Variants in ZNF816 observed in about 807,000 individuals in gnomAD.
ZNF816 encodes the protein zinc finger protein 816A.
Under a neutral mutation model 8.3 loss-of-function variants are expected in ZNF816, and 11 were observed. The observed-to-expected ratio is 1.32, with a 90% confidence interval of 0.83 to 2.19. ZNF816 has a LOEUF of 2.19. ZNF816 is among the 30% of genes most tolerant of loss of function. The probability of loss-of-function intolerance (pLI) is 0.00; values close to 1 mark genes in which losing one functional copy is unlikely to be tolerated. For synonymous variants in ZNF816, 255 were observed against 254.5 expected, an observed-to-expected ratio of 1.00 and a Z score of -0.02; for missense variants, 710 against 779.3, an observed-to-expected ratio of 0.91 and a Z score of 1.06.
rs146234264 is a variant in ZNF816 at position 52,959,790 on chromosome 19, T to C, written c.-16+2937A>G. ...TAGAAACCCCACAATGTGGCAGTCATGCACTGCAGAGGACACCAGCGAGCT... is the reference window on the plus strand; with the variant it reads ...TAGAAACCCCACAATGTGGCAGTCACGCACTGCAGAGGACACCAGCGAGCT... On this transcript the variant is annotated intron_variant, in intron 1 of 3. Transcript: ENST00000444460. Among the ~76,000 whole-genome samples, 258 of 152,268 alleles carry C rather than the reference T, an allele frequency of 1.7e-3. 3 individuals are homozygous for C. The highest frequency in any genetic ancestry group is 0.014 in the East Asian group (75 of 5,174).
Position 52,949,640 on chromosome 19 carries a change from T to C in ZNF816, c.*179A>G. On this transcript the variant is annotated 3_prime_UTR_variant, in exon 4 of 4. Transcript: ENST00000444460. ...ATAGGATGAAGCTTGACTGAAGACCTTGTCACAGTCATGATATTTGTAAGG... is the reference window on the plus strand; with the variant it reads ...ATAGGATGAAGCTTGACTGAAGACCCTGTCACAGTCATGATATTTGTAAGG... 2 of 1,002,338 alleles carry C rather than the reference T, an allele frequency of 2.0e-6. No individual in the cohort carries two copies. The allele number at this position is 1,002,338 out of a possible 1,614,324, so 62.1% of individuals were successfully genotyped here. A position where few individuals can be genotyped will look rare whatever the true frequency, so the allele number is the denominator to read the frequency against.
At position 52,952,761 on chromosome 19, in the gene ZNF816, C is replaced by T. The variant is rs771711459; in HGVS notation, c.180G>A (p.Leu60=). 3 of 1,613,906 alleles carry T rather than the reference C, an allele frequency of 1.9e-6. No individual in the cohort carries two copies. In the South Asian group the frequency reaches 3.3e-5, roughly 18 times the overall value. ...RAVMLENYRN[L]EFVDSSLKSM... ...GGACATTTTCCTCACCCACAAACTC[C>T]AGGTTCCTGTAGTTCTCCAACATCA... The change falls in exon 3 of 4, where the codon CTG becomes CTA. Residue 60 remains leucine (L), a synonymous_variant. Coordinates refer to ENST00000444460, the MANE Select transcript of ZNF816 (RefSeq NM_001202457.3).
chr19:52,952,788 A>T lies in ZNF816; in HGVS notation c.153T>A (p.Ala51=). Residue 51 remains alanine (A), a synonymous_variant, in exon 3 of 4, where the codon GCT becomes GCA. Transcript: ENST00000444460. ...GGTTCCTGTAGTTCTCCAACATCAC[A>T]GCCCTGTATAAAGCCCTCTGTGCAG... The part of the protein sequence containing the change: ...LNPAQRALYR[A]VMLENYRNLE... 1 of 1,614,016 alleles carries T rather than the reference A, an allele frequency of 6.2e-7. No individual in the cohort carries two copies. The highest frequency in any genetic ancestry group is 8.5e-7 in the Non-Finnish European group (1 of 1,180,016).
chr19:52,952,397 A>T (rs918420253), intron 3 of ZNF816: 2 of 400,430 alleles, frequency 5.0e-6, no homozygotes, highest in Admixed American at 4.1e-5. Context: ...AGAAAACAAA[A>T]CCACAAGCAC....
rs1439182856 is a variant in ZNF816 at position 52,950,959 on chromosome 19, A to G, written c.816T>C (p.Ile272=). The G allele has an allele frequency of 1.2e-6, 2 of 1,614,196 alleles. No individual in the cohort carries two copies. Among genetic ancestry groups the G allele is most frequent in the Admixed American group, 3.3e-5 (2 of 60,032 alleles). ...CGKIFNQKQY[I]VYHHRCHTGE... ...CAGTGTGACATCTATGATGATATACAATGTATTGCTTCTGATTAAAGATCT... is the reference window on the plus strand; with the variant it reads ...CAGTGTGACATCTATGATGATATACGATGTATTGCTTCTGATTAAAGATCT... The change falls in exon 4 of 4, where the codon ATT becomes ATC. Residue 272 remains isoleucine, a synonymous_variant. Transcript: ENST00000444460.
chr19:52,961,434 T>C (rs2083555959), intron 1 of ZNF816, among the ~76,000 whole-genome samples: 1 of 152,220 alleles, frequency 6.6e-6, no homozygotes, highest in Admixed American at 6.5e-5. Context: ...CTGTGAAAAT[T>C]TGCCTGTTGC....
rs769851701 is a variant in ZNF816, at chr19:52,950,517, T to A, written c.1258A>T (p.Thr420Ser). 6.2e-7 allele frequency: 1 copy of A among 1,613,274 alleles called. No individual in the cohort carries two copies. Among genetic ancestry groups the A allele is most frequent in the South Asian group, 1.1e-5 (1 of 91,024 alleles). ...SHLERHRKIH[T>S]GEGSYKCKVC... is the part of the protein sequence containing the mutation. ...TTACATTTGTATGATCCCTCTCCAG[T>A]ATGAATCTTCCTATGTCTTTCAAGG... The change falls in exon 4 of 4, where the codon ACT becomes TCT. Residue 420 changes from threonine (T) to serine (S), a missense_variant. Transcript: ENST00000444460.
intron 2 of ZNF816, among the ~76,000 whole-genome samples, chr19:52,953,685 G>T (rs1447330650): frequency 3.0e-5 from 4 of 135,560 alleles, no homozygotes; most frequent in African/African-American, 8.3e-5. Context: ...ATATAATATT[G>T]TATAATAAAT....
In ZNF816 at chr19:52,957,139, G is replaced by A. The variant is rs1269024421; in HGVS notation, c.-15-1035C>T. 2.0e-5 allele frequency among the ~76,000 whole-genome samples: 3 copies of A among 152,148 alleles called. No individual in the cohort carries two copies. Among genetic ancestry groups the A allele is most frequent in the Non-Finnish European group, 4.4e-5 (3 of 68,034 alleles). On this transcript the variant is annotated intron_variant, in intron 1 of 3. Coordinates refer to ENST00000444460, the MANE Select transcript of ZNF816 (RefSeq NM_001202457.3). This position sits in a 1 kb window ranked among gnomAD's most constrained non-coding sequence, Gnocchi z 4.6. Reference sequence around the variant, plus strand: ...CACGAGTCCTCTGATGCGCTGGGCCGAATAAAGCCACTTCCTTCTTTAATC... The same window carrying A: ...CACGAGTCCTCTGATGCGCTGGGCCAAATAAAGCCACTTCCTTCTTTAATC...
In ZNF816 at chr19:52,952,370, A is replaced by AAAAC. The variant is rs765438371; in HGVS notation, c.190+377_190+380dup. 58 of 369,270 alleles carry AAAAC rather than the reference A, an allele frequency of 1.6e-4. No homozygotes were observed. The South Asian group carries it at 4.1e-3, about 26-fold the overall frequency. The allele number at this position is 369,270 out of a possible 1,614,324, so 22.9% of individuals were successfully genotyped here. The stretch of plus-strand genomic sequence containing the variant: ...GTTCAACAGAGGGAGACTCTGTCTG[A>AAAAC]AAACAAACAAACAAAAAGAAAACAA... On this transcript the variant is annotated intron_variant, in intron 3 of 3. Transcript: ENST00000444460.
In ZNF816 at chr19:52,952,852, G is replaced by A; in HGVS notation, c.89C>T (p.Ala30Val). 6.2e-7 allele frequency: 1 copy of A among 1,605,186 alleles called. No individual in the cohort carries two copies. The highest frequency in any genetic ancestry group is 8.5e-7 in the Non-Finnish European group (1 of 1,177,570). ...CCACTCCTCCAAAGAGAACTCTATAGCCACATCCCTGAAAGTCAAGCGTCC... is the reference window on the plus strand; with the variant it reads ...CCACTCCTCCAAAGAGAACTCTATAACCACATCCCTGAAAGTCAAGCGTCC... ...PQGRLTFRDV[A>V]IEFSLEEWKC... The change falls in exon 3 of 4, where the codon GCT becomes GTT. Residue 30 changes from alanine (A) to valine (V), a missense_variant. By Grantham distance (64) the Ala-to-Val change is moderately conservative (BLOSUM62 0). Transcript: ENST00000444460.
At position 52,950,647 on chromosome 19, in the gene ZNF816, C is replaced by G; in HGVS notation, c.1128G>C (p.Lys376Asn). Reference protein sequence around the residue: ...EKPYKCNECGKTFSQKSSLQC... With the variant: ...EKPYKCNECGNTFSQKSSLQC... ...GAAGGGATGATTTCTGACTGAAGGT[C>G]TTGCCACACTCATTACACTTGTAAG... Residue 376 changes from lysine (K) to asparagine (N), a missense_variant, in exon 4 of 4, where the codon AAG (lysine) becomes AAC (asparagine). Lys to Asn is a moderately conservative substitution (Grantham distance 94, BLOSUM62 0). Transcript: ENST00000444460. 1 of 1,614,094 alleles carries G rather than the reference C, an allele frequency of 6.2e-7. No homozygotes were observed. The highest frequency in any genetic ancestry group is 8.5e-7 in the Non-Finnish European group (1 of 1,180,008).
chr19:52,951,775 G>A (rs2083462691), intron 3 of ZNF816, 191 bp from the exon 4 acceptor site: 2 of 568,432 alleles, frequency 3.5e-6, no homozygotes, highest in Middle Eastern at 9.8e-4. Flanking sequence ...GTGGGTGCCT[G>A]TAATCCCAGC....
Position 52,950,506 on chromosome 19 carries a change from T to C in ZNF816, c.1269A>G (p.Gly423=), listed in dbSNP as rs373861117. 8.1e-6 allele frequency: 13 copies of C among 1,613,578 alleles called. No individual in the cohort carries two copies. In the South Asian group the frequency reaches 1.4e-4, roughly 18 times the overall value. The change falls in exon 4 of 4, where the codon GGA becomes GGG. Residue 423 remains glycine, a synonymous_variant. Transcript: ENST00000444460. ...TGTCACAAACCTTACATTTGTATGATCCCTCTCCAGTATGAATCTTCCTAT... is the reference window on the plus strand; with the variant it reads ...TGTCACAAACCTTACATTTGTATGACCCCTCTCCAGTATGAATCTTCCTAT... ...ERHRKIHTGE[G]SYKCKVCDKV...
rs1000116311 is a variant in ZNF816, at chr19:52,962,827, A to C, written c.-116T>G. The C allele has an allele frequency of 6.5e-6, 1 of 152,848 alleles. No homozygotes were observed. The highest frequency in any genetic ancestry group is 2.4e-5 in the African/African-American group (1 of 41,474). The allele number at this position is 152,848 out of a possible 1,614,324, so 9.5% of individuals were successfully genotyped here. A position where few individuals can be genotyped will look rare whatever the true frequency, so the allele number is the denominator to read the frequency against. On this transcript the variant is annotated 5_prime_UTR_variant, in exon 1 of 4. Coordinates refer to ENST00000444460, the MANE Select transcript of ZNF816 (RefSeq NM_001202457.3). ...TATATAGCAGCACCAGACAACTAGGAAACGCACACGCCGCCGTGCAACTTT... is the reference window on the plus strand; with the variant it reads ...TATATAGCAGCACCAGACAACTAGGCAACGCACACGCCGCCGTGCAACTTT...
intron 1 of ZNF816, among the ~76,000 whole-genome samples, chr19:52,961,154 C>A (rs1247884941): frequency 6.6e-6 from 1 of 152,144 alleles, no homozygotes; most frequent in Non-Finnish European, 1.5e-5. Flanking sequence ...AGGTACGTAG[C>A]CCAGGAAATG....
rs1437931279 is a variant in ZNF816 at position 52,949,550 on chromosome 19, G to C, written c.*269C>G. 3 of 675,748 alleles carry C rather than the reference G, an allele frequency of 4.4e-6. No homozygotes were observed. The East Asian group carries it at 8.9e-5, about 20-fold the overall frequency. The allele number at this position is 675,748 out of a possible 1,614,324, so 41.9% of individuals were successfully genotyped here. On this transcript the variant is annotated 3_prime_UTR_variant, in exon 4 of 4. Transcript: ENST00000444460. Reference sequence around the variant, plus strand: ...ATGTCTAATGAGGTGTGAACATGAAGTAAAGGCTTTGCCACAATCATCACA... The same window carrying C: ...ATGTCTAATGAGGTGTGAACATGAACTAAAGGCTTTGCCACAATCATCACA...
chr19:52,961,857 G>A (rs573729034), intron 1 of ZNF816, among the ~76,000 whole-genome samples: 5 of 152,204 alleles, frequency 3.3e-5, no homozygotes, highest in Non-Finnish European at 5.9e-5. Flanking sequence ...CAGGAAGCCC[G>A]AGAGTTGGTG....
intron 1 of ZNF816, among the ~76,000 whole-genome samples, chr19:52,962,295 A>C (rs952773109): frequency 5.3e-5 from 8 of 152,124 alleles, no homozygotes; most frequent in Admixed American, 5.2e-4. Context: ...TGGCTCTGGG[A>C]ATCTAAGGCC....
Sources: gnomAD v4.1 joint callset for allele counts (sites outside exome capture counted in the v4.1 genomes callset) on GRCh38, gnomAD v4.1.1 for gene constraint, Gnocchi (gnomAD v3.1) non-coding constraint, MANE v1.5 for transcripts, NCBI Gene and HGNC (gene_info 2026-07-23, HGNC 2026-07-21) for gene names.